Variants in ZNF318 observed in about 807,000 individuals in gnomAD.
ZNF318 encodes the protein zinc finger protein 318, also known as endocrine regulator.
ZNF318 carries 51 observed loss-of-function variants against 124.2 expected under a neutral mutation model. The ratio of observed to expected loss-of-function variants is 0.41; its 90% CI spans 0.33 to 0.52. The LOEUF (loss-of-function observed/expected upper bound fraction) is 0.52, where lower values mean the gene tolerates loss of function less well. Among genes scored for constraint, ZNF318 ranks in the 20% least tolerant of loss-of-function variants. ZNF318 has a pLI of 0.23. For synonymous variants in ZNF318, 1,090 were observed against 1,040.7 expected (o/e 1.05, Z -0.91); for missense variants, 2,815 against 2,811.2 (o/e 1.00, Z -0.03).
At chr6:43,357,082 T>C in intron 3 of ZNF318, 44 bp downstream of exon 3, 2 of 1,560,796 alleles carry the variant, frequency 1.3e-6, no homozygotes, top group South Asian at 2.5e-5. Context: ...CTTTAAGATA[T>C]TAGGGAGACT....
In ZNF318 at chr6:43,337,798, G is replaced by A. The variant is rs747829748; in HGVS notation, c.6200C>T (p.Ser2067Phe). The change falls in exon 10 of 10, where the codon TCT becomes TTT. Residue 2067 changes from serine to phenylalanine, a missense_variant. Transcript: ENST00000361428. ...SDPADFEPIP[S>F]FSGFPLDSPK... ...AGAATCTAACGGAAACCCAGAAAAAGATGGGATTGGTTCGAAGTCAGCGGG... is the reference window on the plus strand; with the variant it reads ...AGAATCTAACGGAAACCCAGAAAAAAATGGGATTGGTTCGAAGTCAGCGGG... 2.5e-6 allele frequency: 4 copies of A among 1,614,216 alleles called. No individual in the cohort carries two copies. The highest frequency in any genetic ancestry group is 3.4e-6 in the Non-Finnish European group (4 of 1,180,040).
Position 43,369,033 on chromosome 6 carries a change from C to T in ZNF318, c.333G>A (p.Arg111=), listed in dbSNP as rs9381238. The T allele has an allele frequency of 1, 1,413,368 of 1,418,322 alleles. 704,334 individuals are homozygous for T. Among genetic ancestry groups the T allele is most frequent in the East Asian group, 1 (32,780 of 32,780 alleles). 87.9% of individuals were successfully genotyped at this position (1,418,322 alleles called of 1,614,324 possible). A position where few individuals can be genotyped will look rare whatever the true frequency, so the allele number is the denominator to read the frequency against. Residue 111 remains arginine (R), a synonymous_variant, in exon 1 of 10, where the codon CGG becomes CGA. Coordinates refer to ENST00000361428, the MANE Select transcript of ZNF318 (RefSeq NM_014345.3). ...GGGCATAGTCGGCGCGGGACTCCCC[C>T]CGGCTGCTGCCTCTGAAGCCGGCCG... ...PGPAGFRGSS[R]GESRADYARD... is the part of the protein sequence containing the mutation.
rs188093954 is a variant in ZNF318, at chr6:43,355,779, T to A, written c.1555A>T (p.Ser519Cys). The A allele has an allele frequency of 1.9e-6, 3 of 1,614,216 alleles. No individual in the cohort carries two copies. Among genetic ancestry groups the A allele is most frequent in the East Asian group, 4.5e-5 (2 of 44,894 alleles). The part of the protein sequence containing the change: ...RILSMLADST[S>C]TQEKRRRSFP... ...CTACGTCGCCTTTTTTCCTGTGTAC[T>A]GGTAGAATCAGCCAACATGCTCAGA... The change falls in exon 4 of 10, where the codon AGT (serine) becomes TGT (cysteine). Residue 519 changes from serine (S) to cysteine (C), a missense_variant. By Grantham distance (112) the Ser-to-Cys change is moderately radical (BLOSUM62 -1). Around this residue, in one of 4 missense-constraint regions of ZNF318, gnomAD observed 1,377 missense variants for 1,353.5 expected, o/e 1.02. Coordinates refer to ENST00000361428, the MANE Select transcript of ZNF318 (RefSeq NM_014345.3).
At chr6:43,366,637 A>G (rs1779764807) in intron 1 of ZNF318, among the ~76,000 whole-genome samples, 1 of 152,094 alleles carries the variant, frequency 6.6e-6, no homozygotes, top group African/African-American at 2.4e-5. Flanking sequence ...CCCCACACCA[A>G]AACATTTTTT....
Position 43,338,050 on chromosome 6 carries a change from T to C in ZNF318, c.5948A>G (p.Gln1983Arg). 1 of 1,614,230 alleles carries C rather than the reference T, an allele frequency of 6.2e-7. No individual in the cohort carries two copies. Among genetic ancestry groups the C allele is most frequent in the Non-Finnish European group, 8.5e-7 (1 of 1,180,046 alleles). ...CACTGTTAACTCTGGATGGACATCT[T>C]GTAGCTCCAGTGCTTCTGTTTTTGG... ...EKPKTEALEL[Q>R]DVHPELTVTI... Residue 1983 changes from glutamine (Q) to arginine (R), a missense_variant, in exon 10 of 10, where the codon CAA (glutamine) becomes CGA (arginine). Transcript: ENST00000361428.
intron 3 of ZNF318, among the ~76,000 whole-genome samples, chr6:43,356,844 C>CA (rs1779614458): frequency 6.6e-6 from 1 of 152,124 alleles, no homozygotes; most frequent in South Asian, 2.1e-4. Flanking sequence ...AACCCATACT[C>CA]AAAGATTGCC....
At position 43,357,117 on chromosome 6, in the gene ZNF318, A is replaced by G; in HGVS notation, c.1188+9T>C. On this transcript the variant is annotated intron_variant, in intron 3 of 9. Coordinates refer to ENST00000361428, the MANE Select transcript of ZNF318 (RefSeq NM_014345.3). Reference sequence around the variant, plus strand: ...TAGCAAGAGGCCCTACAAGAAATGCAGCAGAGACCTGCATGGAGGGCTCCA... The same window carrying G: ...TAGCAAGAGGCCCTACAAGAAATGCGGCAGAGACCTGCATGGAGGGCTCCA... The G allele has an allele frequency of 1.3e-6, 2 of 1,598,928 alleles. No individual in the cohort carries two copies. Among genetic ancestry groups the G allele is most frequent in the Non-Finnish European group, 1.7e-6 (2 of 1,172,748 alleles).
rs1198038750 is a variant in ZNF318 at position 43,355,537 on chromosome 6, T to C, written c.1797A>G (p.Ile599Met). 6 of 1,614,204 alleles carry C rather than the reference T, an allele frequency of 3.7e-6. No individual in the cohort carries two copies. The highest frequency in any genetic ancestry group is 5.1e-6 in the Non-Finnish European group (6 of 1,180,032). ...TCTCTGCTACTCCAATATCCAGCCC[T>C]ATTGTCTTGAGCAAGTCATGGATCT... is the stretch of plus-strand genomic sequence containing the variant. Reference protein sequence around the residue: ...YAKIHDLLKTIGLDIGVAEIS... With the variant: ...YAKIHDLLKTMGLDIGVAEIS... Residue 599 changes from isoleucine (I) to methionine (M), a missense_variant, in exon 4 of 10, where the codon ATA (isoleucine) becomes ATG (methionine). Around this residue, in one of 4 missense-constraint regions of ZNF318, gnomAD observed 1,377 missense variants for 1,353.5 expected, o/e 1.02. Transcript: ENST00000361428.
intron 5 of ZNF318, among the ~76,000 whole-genome samples, 200 bp downstream of exon 5, chr6:43,352,177 T>TCAACACCACCAC (rs1491380269): frequency 6.6e-6 from 1 of 150,790 alleles, no homozygotes; most frequent in Admixed American, 6.6e-5. Context: ...ATCATCATCA[T>TCAACACCACCAC]CATCATCACC....
chr6:43,338,217 T>C lies in ZNF318; in HGVS notation c.5781A>G (p.Glu1927=), dbSNP rs1350986801. The C allele has an allele frequency of 3.1e-6, 5 of 1,614,064 alleles. No homozygotes were observed. In the African/African-American group the frequency reaches 6.7e-5, roughly 22 times the overall value. The change falls in exon 10 of 10, where the codon GAA becomes GAG. Residue 1927 remains glutamate, a synonymous_variant. Coordinates refer to ENST00000361428, the MANE Select transcript of ZNF318 (RefSeq NM_014345.3). ...SEEGLENSAP[E]SASRTSRYRS... ...TGTACCTAGAAGTTCTAGAAGCTGA[T>C]TCTGGAGCTGAATTCTCTAGCCCCT...
intron 6 of ZNF318, among the ~76,000 whole-genome samples, chr6:43,343,284 C>T (rs1041280516): frequency 2.0e-5 from 3 of 152,104 alleles, no homozygotes; most frequent in African/African-American, 7.2e-5. Context: ...ATTTGAAAAT[C>T]ATGACAGCTA....
chr6:43,367,658 C>A (rs1347525376), intron 1 of ZNF318, among the ~76,000 whole-genome samples: 1 of 152,180 alleles, frequency 6.6e-6, no homozygotes, highest in African/African-American at 2.4e-5. Context: ...AAGACTGGAG[C>A]AAATACATTG....
Position 43,368,962 on chromosome 6 carries a change from A to G in ZNF318, c.399+5T>C. The G allele has an allele frequency of 7.1e-7, 1 of 1,403,112 alleles. No homozygotes were observed. The highest frequency in any genetic ancestry group is 9.3e-7 in the Non-Finnish European group (1 of 1,075,432). The allele number at this position is 1,403,112 out of a possible 1,614,324, so 86.9% of individuals were successfully genotyped here. On this transcript the variant is annotated splice_donor_5th_base_variant and intron_variant, in intron 1 of 9. Transcript: ENST00000361428. ...GAGGGAGTCCTGGACGAGGGGTGGG[A>G]TTACCCGGCTGCCGCTGTCGCCTGG...
Position 43,339,406 on chromosome 6 carries a change from A to G in ZNF318, c.4592T>C (p.Leu1531Pro), listed in dbSNP as rs1779338169. ...TGGAGGACGTACTAACACAGAGAAC[A>G]GGGTCTGGTCTCGGTCACTCTCACT... ...GVSESDRDQTLFSVLVRPPPP... is the reference protein window; with the variant it reads ...GVSESDRDQTPFSVLVRPPPP... Residue 1531 changes from leucine (L) to proline (P), a missense_variant, in exon 10 of 10, where the codon CTG becomes CCG. Leu to Pro is a moderately conservative substitution (Grantham distance 98). This residue lies in a region of ZNF318 where 500 missense variants were observed against 605.2 expected (regional missense o/e 0.83). Transcript: ENST00000361428. This position sits in a 1 kb window ranked among gnomAD's most constrained non-coding sequence, Gnocchi z 4.2. The G allele has an allele frequency of 1.2e-6, 2 of 1,613,458 alleles. No individual in the cohort carries two copies. Among genetic ancestry groups the G allele is most frequent in the Non-Finnish European group, 1.7e-6 (2 of 1,179,824 alleles).
chr6:43,369,120 C>G lies in ZNF318; in HGVS notation c.246G>C (p.Pro82=), dbSNP rs1779801055. 1.6e-6 allele frequency: 2 copies of G among 1,236,786 alleles called. No homozygotes were observed. Among genetic ancestry groups the G allele is most frequent in the Middle Eastern group, 3.1e-4 (1 of 3,208 alleles). The allele number at this position is 1,236,786 out of a possible 1,614,324, so 76.6% of individuals were successfully genotyped here. A position where few individuals can be genotyped will look rare whatever the true frequency, so the allele number is the denominator to read the frequency against. ...PPRGRRVSPS[P]PRARRGSPSP... ...ACGGGGAGCCGCGACGGGCCCGAGG[C>G]GGGGACGGGGAGACGCGACGACCCC... Residue 82 remains proline, a synonymous_variant, in exon 1 of 10, where the codon CCG becomes CCC. Coordinates refer to ENST00000361428, the MANE Select transcript of ZNF318 (RefSeq NM_014345.3).
In ZNF318 at chr6:43,337,299, C is replaced by T. The variant is rs757348029; in HGVS notation, c.6699G>A (p.Leu2233=). ...TTGACACTGGAGCTTTAACCAAATTCAGAGGGTCGCCACTGTCATCATCTA... is the reference window on the plus strand; with the variant it reads ...TTGACACTGGAGCTTTAACCAAATTTAGAGGGTCGCCACTGTCATCATCTA... ...LQVDDDSGDP[L]NLVKAPVSRS... Residue 2233 remains leucine, a synonymous_variant, in exon 10 of 10, where the codon CTG becomes CTA. Transcript: ENST00000361428. 4.6e-5 allele frequency: 74 copies of T among 1,614,034 alleles called. No homozygotes were observed. The highest frequency in any genetic ancestry group is 5.4e-5 in the Non-Finnish European group (64 of 1,180,026).
At chr6:43,340,562 G>A (rs1327602164) in intron 9 of ZNF318, 60 bp from the exon 10 acceptor site, 2 of 1,512,980 alleles carry the variant, frequency 1.3e-6, no homozygotes, top group Admixed American at 5.0e-5. Flanking sequence ...AAAAAATCTT[G>A]GCCCCGCTAC....
intron 8 of ZNF318, among the ~76,000 whole-genome samples, chr6:43,341,370 G>T (rs1009198147): frequency 6.6e-6 from 1 of 152,144 alleles, no homozygotes; most frequent in East Asian, 1.9e-4. Context: ...AAAAGTTTAT[G>T]GGCTGAGCAC....
intron 1 of ZNF318, among the ~76,000 whole-genome samples, 192 bp from the exon 2 acceptor site, chr6:43,365,632 T>C (rs1296648318): frequency 6.6e-6 from 1 of 152,080 alleles, no homozygotes; most frequent in East Asian, 1.9e-4. Flanking sequence ...ACTCCATCTC[T>C]ATAAAAAAAA....
Sources: gnomAD v4.1 joint callset for allele counts (sites outside exome capture counted in the v4.1 genomes callset) on GRCh38, gnomAD v4.1.1 for gene constraint, gnomAD v4.1.1 regional missense constraint, Gnocchi (gnomAD v3.1) non-coding constraint, MANE v1.5 for transcripts, NCBI Gene and HGNC (gene_info 2026-07-23, HGNC 2026-07-21) for gene names.